DISC1: variants seen among roughly 807,000 people sequenced by gnomAD.
DISC1 encodes the protein DISC1 scaffold protein.
Under a neutral mutation model 84.5 loss-of-function variants are expected in DISC1, and 57 were observed. That is an observed-to-expected ratio of 0.67 (90% CI 0.55 to 0.84). The LOEUF (loss-of-function observed/expected upper bound fraction) is 0.84, where lower values mean the gene tolerates loss of function less well. DISC1 is among the 40% of genes least tolerant of loss of function. DISC1 has a pLI of 0.00. For missense variants in DISC1, 1,000 were observed against 1,057.8 expected (o/e 0.95, Z 0.76); for synonymous variants, 411 against 415.2 (o/e 0.99, Z 0.12).
intron 8 of DISC1, among the ~76,000 whole-genome samples, chr1:231,806,265 G>A (rs201520687): frequency 3.3e-5 from 5 of 152,224 alleles, no homozygotes; most frequent in Admixed American, 2.6e-4. Flanking sequence ...GTCACTCAGT[G>A]CTACAGGTTC....
In DISC1 at chr1:231,972,939, G is replaced by A. The variant is rs536048374; in HGVS notation, c.2042+14051G>A. Among the ~76,000 whole-genome samples the A allele has an allele frequency of 2.0e-4, 30 of 152,208 alleles. No homozygotes were observed. The South Asian group carries it at 3.1e-3, about 16-fold the overall frequency. ...TGTGAAACCCGTAATATTGGGCTGCGTCTCCTCTTTCCTCTACAACCTGAC... is the reference window on the plus strand; with the variant it reads ...TGTGAAACCCGTAATATTGGGCTGCATCTCCTCTTTCCTCTACAACCTGAC... On this transcript the variant is annotated intron_variant, in intron 10 of 12. Coordinates refer to ENST00000439617, the MANE Select transcript of DISC1 (RefSeq NM_018662.3).
At chr1:231,750,272 A>G (rs771904678) in intron 4 of DISC1, 196 bp downstream of exon 4, 38 of 1,379,496 alleles carry the variant, frequency 2.8e-5, no homozygotes, top group Non-Finnish European at 3.3e-5. Flanking sequence ...ATCTCTAGAA[A>G]GAAGACTTTT....
At chr1:231,681,462 CA>C (rs947700292) in intron 1 of DISC1, among the ~76,000 whole-genome samples, 29 of 151,550 alleles carry the variant, frequency 1.9e-4, no homozygotes, top group African/African-American at 6.8e-4. Context: ...TTCATCAGTA[CA>C]AAAAAAAGCT....
chr1:231,736,555 T>C (rs758834005), intron 3 of DISC1, among the ~76,000 whole-genome samples: 3 of 152,234 alleles, frequency 2.0e-5, no homozygotes, highest in Non-Finnish European at 2.9e-5. Context: ...GCCCCAATCA[T>C]GGCTGATTTT....
chr1:231,733,231 G>A (rs2071839046), intron 3 of DISC1, among the ~76,000 whole-genome samples: 5 of 149,384 alleles, frequency 3.3e-5, no homozygotes, highest in Admixed American at 2.7e-4. Context: ...TGTTGGTGAT[G>A]GTAGGTAGGA....
At chr1:231,792,745 A>C (rs933808270) in intron 6 of DISC1, among the ~76,000 whole-genome samples, 3 of 152,138 alleles carry the variant, frequency 2.0e-5, no homozygotes, top group Non-Finnish European at 4.4e-5. Context: ...AAGTGGTTTC[A>C]TCTGCCCCAA....
chr1:231,635,231 CATT>C (rs2059096767), intron 1 of DISC1, among the ~76,000 whole-genome samples: 1 of 152,054 alleles, frequency 6.6e-6, no homozygotes, highest in African/African-American at 2.4e-5. Context: ...TTCAGAGACT[CATT>C]ATCTCCCCCC....
intron 11 of DISC1, among the ~76,000 whole-genome samples, chr1:232,010,295 G>A (rs1667911437): frequency 6.6e-6 from 1 of 152,182 alleles, no homozygotes; most frequent in African/African-American, 2.4e-5. Flanking sequence ...CAAGTGGATG[G>A]CTTGAAAGAA....
In DISC1 at chr1:231,826,005, A is replaced by G. The variant is rs376113127; in HGVS notation, c.1981+7488A>G. Among the ~76,000 whole-genome samples the G allele has an allele frequency of 2.6e-5, 4 of 152,228 alleles. No homozygotes were observed. The highest frequency in any genetic ancestry group is 9.6e-5 in the African/African-American group (4 of 41,458). Reference sequence around the variant, plus strand: ...TTAATGTTTTCTTTGAAGAAAAGGAATGATCCCTTGTACGAAGTCACCCTC... The same window carrying G: ...TTAATGTTTTCTTTGAAGAAAAGGAGTGATCCCTTGTACGAAGTCACCCTC... On this transcript the variant is annotated intron_variant, in intron 9 of 12. Transcript: ENST00000439617. The surrounding 1 kb of genome is among the most constrained non-coding windows in gnomAD (Gnocchi z 4.2).
chr1:231,833,060 G>A (rs945318314), intron 9 of DISC1, among the ~76,000 whole-genome samples: 12 of 145,684 alleles, frequency 8.2e-5, no homozygotes, highest in African/African-American at 3.1e-4. Flanking sequence ...GGTTAAGGTG[G>A]GGGGATACAA....
chr1:231,767,020 C>T (rs917911556), intron 4 of DISC1, 120 bp from the exon 5 acceptor site: 18 of 1,298,788 alleles, frequency 1.4e-5, no homozygotes, highest in Non-Finnish European at 1.9e-5. Context: ...AGGTAAGTAC[C>T]CTCCTAAGTA....
At chr1:231,975,122 C>G (rs1259331838) in intron 10 of DISC1, among the ~76,000 whole-genome samples, 1 of 141,932 alleles carries the variant, frequency 7.0e-6, no homozygotes, top group African/African-American at 3.1e-5. Flanking sequence ...ACAACAATAA[C>G]AACAACAACA....
chr1:231,653,746 C>A (rs1232740417), intron 1 of DISC1, among the ~76,000 whole-genome samples: 2 of 152,200 alleles, frequency 1.3e-5, no homozygotes, highest in African/African-American at 4.8e-5. Context: ...TGCTTAGTCA[C>A]TGTTCAGGAT....
intron 12 of DISC1, among the ~76,000 whole-genome samples, chr1:232,034,003 A>C (rs201281086): frequency 4.0e-5 from 6 of 151,808 alleles, no homozygotes; most frequent in African/African-American, 1.5e-4. Flanking sequence ...CCCCCACCCC[A>C]TTCTGCATTT....
At chr1:231,709,328 C>A (rs2067501481) in intron 3 of DISC1, among the ~76,000 whole-genome samples, 1 of 152,032 alleles carries the variant, frequency 6.6e-6, no homozygotes. Flanking sequence ...GATGTACTTC[C>A]CTCTCATTCA....
chr1:232,002,640 A>ACAC (rs1553418884), intron 10 of DISC1, among the ~76,000 whole-genome samples: 30 of 120,056 alleles, frequency 2.5e-4, no homozygotes, highest in Non-Finnish European at 3.7e-4. Flanking sequence ...CACACACACA[A>ACAC]AAGCCAATCC....
chr1:231,747,016 C>T (rs1343450589), intron 3 of DISC1, among the ~76,000 whole-genome samples: 1 of 152,148 alleles, frequency 6.6e-6, no homozygotes, highest in Non-Finnish European at 1.5e-5. Flanking sequence ...GCAGCCTCGA[C>T]TTCCCCAGAC....
At chr1:231,748,650 G>A (rs1422266144) in intron 3 of DISC1, among the ~76,000 whole-genome samples, 1 of 152,190 alleles carries the variant, frequency 6.6e-6, no homozygotes, top group Non-Finnish European at 1.5e-5. Context: ...CTGATATTCT[G>A]TTGAGAATTT....
chr1:231,735,607 A>C (rs1004069713), intron 3 of DISC1, among the ~76,000 whole-genome samples: 2 of 152,214 alleles, frequency 1.3e-5, no homozygotes, highest in Non-Finnish European at 2.9e-5. Context: ...TAACTGTGTG[A>C]CTAATTTTGA....
Sources: allele counts gnomAD v4.1 joint callset (sites outside exome capture counted in the v4.1 genomes callset), GRCh38; gene constraint gnomAD v4.1.1; non-coding constraint Gnocchi (gnomAD v3.1); transcripts MANE v1.5; gene names NCBI Gene and HGNC (gene_info 2026-07-23, HGNC 2026-07-21).